Variants in CST11 observed in about 807,000 individuals in gnomAD.
CST11 encodes the protein cystatin 11, also known as cystatin-11.
Under a neutral mutation model 14.0 loss-of-function variants are expected in CST11, and 13 were observed. That is an observed-to-expected ratio of 0.93 (90% confidence interval 0.60 to 1.47). The LOEUF (loss-of-function observed/expected upper bound fraction) is 1.47. CST11 is among the 40% of genes most tolerant of loss of function. The probability of loss-of-function intolerance (pLI) is 0.00; values close to 1 mark genes in which losing one functional copy is unlikely to be tolerated. For synonymous variants in CST11, 64 were observed against 57.8 expected (o/e 1.11, Z -0.48); for missense variants, 181 against 160.0 (o/e 1.13, Z -0.71).
chr20:23,452,444 G>A (rs1987119124), intron 1 of CST11, 140 bp downstream of exon 1: 1 of 663,982 alleles, frequency 1.5e-6, no homozygotes, highest in South Asian at 1.8e-5. Context: ...CATCACCCTA[G>A]TGAATTTATG....
In CST11 at chr20:23,450,552, C is replaced by G; in HGVS notation, c.371G>C (p.Trp124Ser). Residue 124 changes from tryptophan (W) to serine (S), a missense_variant, in exon 3 of 3, where the codon TGG becomes TCG. Transcript: ENST00000377009. ...NCFFSVFAVP[W>S]FEQYKILNKS... ...GTTCAAAATTTTGTACTGTTCAAAC[C>G]AGGGTACAGCAAACACTGAGAAGAA... 5 of 1,612,080 alleles carry G rather than the reference C, an allele frequency of 3.1e-6. No homozygotes were observed. The highest frequency in any genetic ancestry group is 4.2e-6 in the Non-Finnish European group (5 of 1,178,450).
rs199961715 is a variant in CST11, at chr20:23,450,484, G to T, written c.*22C>A. 3.9e-6 allele frequency: 6 copies of T among 1,528,388 alleles called. No homozygotes were observed. Among genetic ancestry groups the T allele is most frequent in the Admixed American group, 3.5e-5 (2 of 56,398 alleles). 94.7% of individuals were successfully genotyped at this position (1,528,388 alleles called of 1,614,324 possible). A position where few individuals can be genotyped will look rare whatever the true frequency, so the allele number is the denominator to read the frequency against. On this transcript the variant is annotated 3_prime_UTR_variant, in exon 3 of 3. Transcript: ENST00000377009. Reference sequence around the variant, plus strand: ...CAGGATTCTCTCACATGCAGTGGCCGCAGTTGTACACTCCAGGACACCTAG... The same window carrying T: ...CAGGATTCTCTCACATGCAGTGGCCTCAGTTGTACACTCCAGGACACCTAG...
In CST11 at chr20:23,452,590, C is replaced by T. The variant is rs756990366; in HGVS notation, c.222G>A (p.Gln74=). 3 of 1,610,170 alleles carry T rather than the reference C, an allele frequency of 1.9e-6. No homozygotes were observed. Among genetic ancestry groups the T allele is most frequent in the Non-Finnish European group, 2.6e-6 (3 of 1,176,426 alleles). ...HFRIFRVLKV[Q]RQVTDHLEYH... ...CGGGAAGTCATACACTCACCTGCCT[C>T]TGGACTTTAAGGACTCGGAAGATCC... Residue 74 remains glutamine (Q), a synonymous_variant, in exon 1 of 3, where the codon CAG becomes CAA. Coordinates refer to ENST00000377009, the MANE Select transcript of CST11 (RefSeq NM_130794.2).
At position 23,451,174 on chromosome 20, in the gene CST11, C is replaced by T. The variant is rs537680588; in HGVS notation, c.334-585G>A. On this transcript the variant is annotated intron_variant, in intron 2 of 2. Transcript: ENST00000377009. Reference sequence around the variant, plus strand: ...TTTACTTCCTGACTTTGCTTCCTCTCCCTCAGTGCATGCAGCCTTGCTTCA... The same window carrying T: ...TTTACTTCCTGACTTTGCTTCCTCTTCCTCAGTGCATGCAGCCTTGCTTCA... Among the ~76,000 whole-genome samples the T allele has an allele frequency of 1.4e-4, 21 of 152,350 alleles. No individual in the cohort carries two copies. The South Asian group carries it at 1.4e-3, about 11-fold the overall frequency.
At chr20:23,451,993 C>T (rs1180703644) in intron 1 of CST11, 73 bp from the exon 2 acceptor site, 9 of 1,104,974 alleles carry the variant, frequency 8.1e-6, no homozygotes, top group Non-Finnish European at 1.2e-5. Context: ...TGCCTGGGGG[C>T]TCCGCTACCC....
intron 1 of CST11, 49 bp downstream of exon 1, chr20:23,452,535 C>T (rs746213157): frequency 2.5e-5 from 30 of 1,223,606 alleles, no homozygotes; most frequent in South Asian, 2.4e-5. Context: ...AGTGGCCACC[C>T]GATGTGGGCG....
At position 23,452,711 on chromosome 20, in the gene CST11, A is replaced by T; in HGVS notation, c.101T>A (p.Val34Asp). Residue 34 changes from valine to aspartate, a missense_variant, in exon 1 of 3, where the codon GTC becomes GAC. Coordinates refer to ENST00000377009, the MANE Select transcript of CST11 (RefSeq NM_130794.2). ...YQARKKTFLS[V>D]HEVMAVENYA... ...GTTTTCTACTGCCATCACTTCATGG[A>T]CGCTTAGAAAGGTTTTCTTCCTTGC... 1 of 1,614,096 alleles carries T rather than the reference A, an allele frequency of 6.2e-7. No individual in the cohort carries two copies. The highest frequency in any genetic ancestry group is 8.5e-7 in the Non-Finnish European group (1 of 1,179,954).
chr20:23,450,580 A>T lies in CST11; in HGVS notation c.343T>A (p.Cys115Ser). 1 of 1,607,766 alleles carries T rather than the reference A, an allele frequency of 6.2e-7. No individual in the cohort carries two copies. The highest frequency in any genetic ancestry group is 8.5e-7 in the Non-Finnish European group (1 of 1,175,866). Residue 115 changes from cysteine to serine, a missense_variant, in exon 3 of 3, where the codon TGC (cysteine) becomes AGC (serine). Coordinates refer to ENST00000377009, the MANE Select transcript of CST11 (RefSeq NM_130794.2). ...QERELHKQVN[C>S]FFSVFAVPWF... ...GGTACAGCAAACACTGAGAAGAAGC[A>T]GTTGACTTGCTAAAACAAAAAACAA...
chr20:23,451,787 G>T, intron 2 of CST11, 29 bp downstream of exon 2: 1 of 1,523,360 alleles, frequency 6.6e-7, no homozygotes, highest in Non-Finnish European at 9.1e-7. Flanking sequence ...AAGGACTTCT[G>T]TCTACGTTAA....
At chr20:23,452,083 C>T (rs1473244606) in intron 1 of CST11, among the ~76,000 whole-genome samples, 163 bp from the exon 2 acceptor site, 2 of 152,340 alleles carry the variant, frequency 1.3e-5, no homozygotes, top group Admixed American at 1.3e-4. Flanking sequence ...TTGTTTTTGT[C>T]ATTCCAAGAG....
At chr20:23,451,082 T>A (rs1411462967) in intron 2 of CST11, among the ~76,000 whole-genome samples, 3 of 152,100 alleles carry the variant, frequency 2.0e-5, no homozygotes, top group Non-Finnish European at 2.9e-5. Context: ...CATCCATCCT[T>A]CCATTCATCC....
intron 1 of CST11, among the ~76,000 whole-genome samples, chr20:23,452,150 G>A (rs1987111331): frequency 6.6e-6 from 1 of 152,214 alleles, no homozygotes; most frequent in African/African-American, 2.4e-5. Flanking sequence ...TCTATCCCTT[G>A]GGTAATGCAA....
At position 23,452,797 on chromosome 20, in the gene CST11, G is replaced by A; in HGVS notation, c.15C>T (p.Pro5=). 6.2e-7 allele frequency: 1 copy of A among 1,613,684 alleles called. No individual in the cohort carries two copies. Among genetic ancestry groups the A allele is most frequent in the Non-Finnish European group, 8.5e-7 (1 of 1,179,700 alleles). Residue 5 remains proline (P), a synonymous_variant, in exon 1 of 3, where the codon CCC becomes CCT. Coordinates refer to ENST00000377009, the MANE Select transcript of CST11 (RefSeq NM_130794.2). ...CCAACAGGAGCTGTAGGGCCTGCCA[G>A]GGCTCAGCCATCATCCTTCAGCTGC... The part of the protein sequence containing the change: MMAE[P]WQALQLLLAI...
intron 2 of CST11, among the ~76,000 whole-genome samples, chr20:23,451,056 G>A (rs1274563249): frequency 6.6e-6 from 1 of 151,504 alleles, no homozygotes. Flanking sequence ...CCCATCTGTC[G>A]ACCCATCAAC....
intron 1 of CST11, 96 bp downstream of exon 1, chr20:23,452,488 G>A: frequency 1.2e-6 from 1 of 801,016 alleles, no homozygotes; most frequent in Non-Finnish European, 2.2e-6. Context: ...AGCTAAGCAA[G>A]GTTGAATTTC....
intron 2 of CST11, 85 bp from the exon 3 acceptor site, chr20:23,450,674 G>A: frequency 3.1e-6 from 3 of 955,290 alleles, no homozygotes; most frequent in Non-Finnish European, 4.7e-6. Context: ...ACACGAAGAT[G>A]GAGAAAAGGC....
rs768698910 is a variant in CST11 at position 23,452,796 on chromosome 20, A to G, written c.16T>C (p.Trp6Arg). ...GCCAACAGGAGCTGTAGGGCCTGCC[A>G]GGGCTCAGCCATCATCCTTCAGCTG... is the stretch of plus-strand genomic sequence containing the variant. MMAEPWQALQLLLAIL... is the reference protein window; with the variant it reads MMAEPRQALQLLLAIL... Residue 6 changes from tryptophan to arginine, a missense_variant, in exon 1 of 3, where the codon TGG becomes CGG. Trp to Arg is a moderately radical substitution (Grantham distance 101, BLOSUM62 -3). Transcript: ENST00000377009. 11 of 1,613,744 alleles carry G rather than the reference A, an allele frequency of 6.8e-6. No homozygotes were observed. The highest frequency in any genetic ancestry group is 9.3e-6 in the Non-Finnish European group (11 of 1,179,744).
chr20:23,452,640 C>T lies in CST11; in HGVS notation c.172G>A (p.Glu58Lys), dbSNP rs569645613. ...CTGAAGTGGTACTTGTCATCACTTT[C>T]CTTGTTATACTGGTCGGTGATCCAC... ...LQWITDQYNKESDDKYHFRIF... is the reference protein window; with the variant it reads ...LQWITDQYNKKSDDKYHFRIF... The change falls in exon 1 of 3, where the codon GAA becomes AAA. Residue 58 changes from glutamate to lysine, a missense_variant. Transcript: ENST00000377009. 1.2e-5 allele frequency: 19 copies of T among 1,614,126 alleles called. No individual in the cohort carries two copies. The South Asian group carries it at 1.4e-4, about 12-fold the overall frequency.
chr20:23,451,967 C>G lies in CST11; in HGVS notation c.229-47G>C, dbSNP rs6114089. The G allele has an allele frequency of 1.0e-3, 1,516 of 1,457,608 alleles. 20 individuals are homozygous for G. In the African/African-American group the frequency reaches 0.019, roughly 18 times the overall value. The allele number at this position is 1,457,608 out of a possible 1,614,324, so 90.3% of individuals were successfully genotyped here. A position where few individuals can be genotyped will look rare whatever the true frequency, so the allele number is the denominator to read the frequency against. ...GAGGCACAGCTTGTCCCCTTCTCCC[C>G]TGTCTGCGGTTTCTGTGCCTGGGGG... On this transcript the variant is annotated intron_variant, in intron 1 of 2. Transcript: ENST00000377009.
Sources: gnomAD v4.1 joint callset for allele counts (sites outside exome capture counted in the v4.1 genomes callset) on GRCh38, gnomAD v4.1.1 for gene constraint, MANE v1.5 for transcripts, NCBI Gene and HGNC (gene_info 2026-07-23, HGNC 2026-07-21) for gene names.